Variants in SPATA22 observed in about 807,000 individuals in gnomAD.
The protein encoded by SPATA22 is spermatogenesis-associated protein 22.
Under a neutral mutation model 47.8 loss-of-function variants are expected in SPATA22, and 29 were observed. The ratio of observed to expected loss-of-function variants is 0.61; its 90% CI spans 0.45 to 0.83. SPATA22 has a LOEUF of 0.83. SPATA22 is among the 40% of genes least tolerant of loss of function. The pLI is 0.00. For synonymous variants in SPATA22, 133 were observed against 140.9 expected, an observed-to-expected ratio of 0.94 and a Z score of 0.40; for missense variants, 410 against 421.7, an observed-to-expected ratio of 0.97 and a Z score of 0.24.
upstream of SPATA22, among the ~76,000 whole-genome samples, chr17:3,472,751 G>A (rs1266889929): frequency 1.3e-5 from 2 of 152,192 alleles, no homozygotes; most frequent in African/African-American, 4.8e-5. Flanking sequence ...ATGAAAGGAA[G>A]ATTGTTAGTA....
intron 8 of SPATA22, among the ~76,000 whole-genome samples, chr17:3,442,754 A>G (rs1274024273): frequency 1.3e-5 from 2 of 151,922 alleles, no homozygotes; most frequent in Non-Finnish European, 2.9e-5. Context: ...ATTTTGGCTT[A>G]GTTGATTCTT....
At chr17:3,486,849 C>G (rs1327995640) in intron 1 of SPATA22, among the ~76,000 whole-genome samples, 2 of 151,998 alleles carry the variant, frequency 1.3e-5, no homozygotes, top group Admixed American at 1.3e-4. Flanking sequence ...TTGTCCAAAC[C>G]AAAAATTAAT....
intron 5 of SPATA22, among the ~76,000 whole-genome samples, chr17:3,460,939 G>A (rs973534802): frequency 3.3e-5 from 5 of 152,008 alleles, no homozygotes; most frequent in African/African-American, 1.2e-4. Context: ...TGGCAAAGAA[G>A]CTCATCCTTA....
intron 6 of SPATA22, among the ~76,000 whole-genome samples, chr17:3,447,250 C>G (rs1488712148): frequency 1.3e-5 from 2 of 151,714 alleles, no homozygotes; most frequent in Non-Finnish European, 2.9e-5. Context: ...GTATAAAAGC[C>G]CTGAGATGGA....
At chr17:3,461,130 C>A (rs2073116468) in intron 5 of SPATA22, among the ~76,000 whole-genome samples, 1 of 152,152 alleles carries the variant, frequency 6.6e-6, no homozygotes, top group Non-Finnish European at 1.5e-5. Context: ...ATTTGCATTT[C>A]AAGTAAGTAA....
chr17:3,454,507 T>C (rs530134408), intron 5 of SPATA22, among the ~76,000 whole-genome samples: 1 of 151,658 alleles, frequency 6.6e-6, no homozygotes, highest in Non-Finnish European at 1.5e-5. Flanking sequence ...TGTCCATGTG[T>C]TCTCATTGTT....
At chr17:3,479,729 A>G (rs2073594908) in intron 1 of SPATA22, among the ~76,000 whole-genome samples, 2 of 152,188 alleles carry the variant, frequency 1.3e-5, no homozygotes, top group East Asian at 1.9e-4. Context: ...AAGTCACAAA[A>G]TAACTACTCC....
In SPATA22 at chr17:3,488,100, A is replaced by G. The variant is rs1474754724; in HGVS notation, c.-73-18702T>C. Among the ~76,000 whole-genome samples, 1 of 152,232 alleles carries G rather than the reference A, an allele frequency of 6.6e-6. No individual in the cohort carries two copies. The highest frequency in any genetic ancestry group is 6.5e-5 in the Admixed American group (1 of 15,284). On this transcript the variant is annotated intron_variant, in intron 1 of 8. Transcript: ENST00000541913. This position sits in a 1 kb window ranked among gnomAD's most constrained non-coding sequence, Gnocchi z 6.1. ...CGGGTGAAAACAAGATGAGTGTAAA[A>G]GAATGCAGTATGTTAATGGGATGGA...
intron 1 of SPATA22, among the ~76,000 whole-genome samples, chr17:3,471,190 G>A (rs1393576308): frequency 1.3e-5 from 2 of 151,976 alleles, no homozygotes; most frequent in Admixed American, 6.6e-5. Context: ...GGGAGGGAAG[G>A]GAAGGAAGGA....
rs1389373328 is a variant in SPATA22 at position 3,440,208 on chromosome 17, G to T, written c.1031C>A (p.Ala344Glu). 6.2e-7 allele frequency: 1 copy of T among 1,609,900 alleles called. No homozygotes were observed. Among genetic ancestry groups the T allele is most frequent in the Non-Finnish European group, 8.5e-7 (1 of 1,178,298 alleles). The stretch of plus-strand genomic sequence containing the variant: ...CTCAACATCTGCAATTTTGACAAAT[G>T]CCTGGAAAGTTTTTTGTTCAGAAAC... ...ASVSEQKTFQ[A>E]FVKIADVEMQ... is the part of the protein sequence containing the mutation. Residue 344 changes from alanine (A) to glutamate (E), a missense_variant, in exon 9 of 9, where the codon GCA becomes GAA. By Grantham distance (107) the Ala-to-Glu change is moderately radical. Coordinates refer to ENST00000572969, the MANE Select transcript of SPATA22 (RefSeq NM_001170698.2).
intron 2 of SPATA22, chr17:3,468,802 G>T: frequency 2.6e-6 from 1 of 390,474 alleles, no homozygotes; most frequent in Non-Finnish European, 3.5e-6. Context: ...TTAATGTCTT[G>T]AATACAGTTA....
In SPATA22 at chr17:3,442,574, T is replaced by C. The variant is rs1307684193; in HGVS notation, c.900+600A>G. 2.0e-5 allele frequency among the ~76,000 whole-genome samples: 3 copies of C among 151,882 alleles called. No individual in the cohort carries two copies. The South Asian group carries it at 6.2e-4, about 31-fold the overall frequency. On this transcript the variant is annotated intron_variant, in intron 8 of 8. Transcript: ENST00000572969. ...CCTTATATCCCAGCCCACTATGCTT[T>C]CCCCCACTTTCAGAACCACTACCCT...
chr17:3,474,096 G>A (rs1407577989), upstream of SPATA22: 1 of 152,140 alleles, frequency 6.6e-6, no homozygotes, highest in African/African-American at 2.4e-5. Context: ...AGCCTCTGTT[G>A]CTCTACTTCT....
intron 3 of SPATA22, among the ~76,000 whole-genome samples, chr17:3,466,755 A>G (rs2073323494): frequency 1.3e-5 from 2 of 152,240 alleles, no homozygotes; most frequent in Admixed American, 1.3e-4. Context: ...GTGTCCTCAC[A>G]TGACAGAAGG....
chr17:3,491,190 C>G (rs1056499454), intron 1 of SPATA22, among the ~76,000 whole-genome samples: 4 of 152,162 alleles, frequency 2.6e-5, no homozygotes, highest in Non-Finnish European at 4.4e-5. Context: ...GTTGAGAAGG[C>G]AGATCCAAGA....
At chr17:3,497,866 A>G (rs1197446968) in intron 1 of SPATA22, among the ~76,000 whole-genome samples, 1 of 152,154 alleles carries the variant, frequency 6.6e-6, no homozygotes, top group Non-Finnish European at 1.5e-5. Context: ...CTATAGAATC[A>G]GAATCTTCAT....
At chr17:3,474,915 A>C (rs140957676), upstream of SPATA22, among the ~76,000 whole-genome samples, 158 of 152,340 alleles carry the variant, frequency 1.0e-3, no homozygotes, top group Non-Finnish European at 2.1e-3. Context: ...GTTCTCCTAC[A>C]TCCCTGCAGA....
At chr17:3,493,884 T>C (rs1290246987) in intron 1 of SPATA22, among the ~76,000 whole-genome samples, 1 of 152,160 alleles carries the variant, frequency 6.6e-6, no homozygotes, top group Non-Finnish European at 1.5e-5. Flanking sequence ...AGAGTGCTGA[T>C]AGGAATCATT....
At chr17:3,442,112 T>A (rs1486552464) in intron 8 of SPATA22, among the ~76,000 whole-genome samples, 2 of 152,022 alleles carry the variant, frequency 1.3e-5, no homozygotes, top group Non-Finnish European at 2.9e-5. Context: ...TGTACAGTTA[T>A]GATTTTTATA....
Sources: gnomAD v4.1 joint callset for allele counts (sites outside exome capture counted in the v4.1 genomes callset) on GRCh38, gnomAD v4.1.1 for gene constraint, Gnocchi (gnomAD v3.1) non-coding constraint, MANE v1.5 for transcripts, NCBI Gene and HGNC (gene_info 2026-07-23, HGNC 2026-07-21) for gene names.